CHMP6: variants seen among roughly 807,000 people sequenced by gnomAD.
CHMP6 encodes chromatin-modifying protein 6.
In CHMP6, 10 loss-of-function variants were observed where a neutral mutation model predicts 32.8. That is an observed-to-expected ratio of 0.30 (90% CI 0.19 to 0.52). The LOEUF is 0.52. CHMP6 is among the 20% of genes least tolerant of loss of function. CHMP6 has a pLI of 0.97. For synonymous variants in CHMP6, 123 were observed against 105.8 expected (o/e 1.16, Z -1.00); for missense variants, 269 against 263.8 (o/e 1.02, Z -0.14).
rs2069665962 is a variant in CHMP6, at chr17:80,999,319, C to T, written c.*166C>T. On this transcript the variant is annotated 3_prime_UTR_variant, in exon 8 of 8. Transcript: ENST00000325167. ...ATTGCAGGAGGACTCCAGAGCGTCT[C>T]CTGGAGACCTTGAGCCTGAACGCAC... The T allele has an allele frequency of 1.5e-6, 1 of 675,298 alleles. No homozygotes were observed. The highest frequency in any genetic ancestry group is 1.8e-5 in the South Asian group (1 of 55,146). 41.8% of individuals were successfully genotyped at this position (675,298 alleles called of 1,614,324 possible).
At chr17:80,992,033 C>A in intron 1 of CHMP6, 52 bp downstream of exon 1, 2 of 1,249,196 alleles carry the variant, frequency 1.6e-6, no homozygotes, top group Non-Finnish European at 1.0e-6. Context: ...GCGACGGGGC[C>A]GGGGCGGGCG....
intron 3 of CHMP6, among the ~76,000 whole-genome samples, chr17:80,995,450 A>G (rs1411720756): frequency 2.0e-5 from 3 of 152,112 alleles, no homozygotes; most frequent in Non-Finnish European, 2.9e-5. Flanking sequence ...CAGAGCTACT[A>G]ACAAGCAACC....
At position 80,991,991 on chromosome 17, in the gene CHMP6, C is replaced by A; in HGVS notation, c.63+10C>A. The A allele has an allele frequency of 7.1e-7, 1 of 1,417,850 alleles. No homozygotes were observed. The highest frequency in any genetic ancestry group is 9.3e-7 in the Non-Finnish European group (1 of 1,073,952). 87.8% of individuals were successfully genotyped at this position (1,417,850 alleles called of 1,614,324 possible). A position where few individuals can be genotyped will look rare whatever the true frequency, so the allele number is the denominator to read the frequency against. The stretch of plus-strand genomic sequence containing the variant: ...GGACAAGGCCATCCTGGTGAGGGCC[C>A]GGGCCCGGGGTCAGGGCTGGGGCCG... On this transcript the variant is annotated intron_variant, in intron 1 of 7. Coordinates refer to ENST00000325167, the MANE Select transcript of CHMP6 (RefSeq NM_024591.5).
At chr17:80,992,100 GGCGCAGC>G (rs1395810641) in intron 1 of CHMP6, 119 bp downstream of exon 1, 1 of 640,636 alleles carries the variant, frequency 1.6e-6, no homozygotes, top group African/African-American at 1.9e-5. Context: ...GGGAAACTGA[GGCGCAGC>G]GCGCAGCCGG....
rs564063538 is a variant in CHMP6 at position 80,995,583 on chromosome 17, C to T, written c.262-89C>T. The T allele has an allele frequency of 2.6e-4, 297 of 1,122,598 alleles. 1 individual carries two copies. In the South Asian group the frequency reaches 3.8e-3, roughly 14 times the overall value. 69.5% of individuals were successfully genotyped at this position (1,122,598 alleles called of 1,614,324 possible). On this transcript the variant is annotated intron_variant, in intron 3 of 7. Transcript: ENST00000325167. ...CTCACGCCCAGCAGCACCCGCCCAG[C>T]AAGGGTGTCATCCTGAACCCTGCCC...
chr17:80,997,455 T>C (rs2144152124), intron 6 of CHMP6, 114 bp downstream of exon 6: 1 of 597,966 alleles, frequency 1.7e-6, no homozygotes, highest in South Asian at 2.3e-5. Context: ...TTTAAGTAAA[T>C]AGTCTGCGGT....
chr17:80,998,748 C>T, intron 7 of CHMP6: 1 of 1,230,376 alleles, frequency 8.1e-7, no homozygotes. Flanking sequence ...GATGGCTCTC[C>T]CCGTGGCACC....
At chr17:80,994,738 G>A (rs1240989708) in intron 2 of CHMP6, 48 bp downstream of exon 2, 1 of 904,884 alleles carries the variant, frequency 1.1e-6, no homozygotes, top group Admixed American at 2.8e-5. Context: ...TGGGGTGGGG[G>A]GCCCGGGCAG....
At chr17:80,998,991 C>G in intron 7 of CHMP6, 107 bp from the exon 8 acceptor site, 14 of 1,317,382 alleles carry the variant, frequency 1.1e-5, no homozygotes, top group African/African-American at 1.5e-5. Flanking sequence ...TTCCCTAGTG[C>G]GAAGTCCCCG....
intron 1 of CHMP6, 145 bp from the exon 2 acceptor site, chr17:80,994,436 C>A: frequency 3.3e-6 from 2 of 598,274 alleles, no homozygotes; most frequent in Non-Finnish European, 5.6e-6. Flanking sequence ...CGTGTCCAGA[C>A]AGCACCACCT....
chr17:80,992,386 C>G (rs60989638), intron 1 of CHMP6, among the ~76,000 whole-genome samples: 96,106 of 151,720 alleles, frequency 0.63, 30,966 homozygotes, highest in African/African-American at 0.74. Context: ...CTCCCGGAGT[C>G]GCTGCCCCCG....
intron 1 of CHMP6, 34 bp downstream of exon 1, chr17:80,992,015 C>G (rs2069596314): frequency 7.4e-7 from 1 of 1,343,732 alleles, no homozygotes; most frequent in Non-Finnish European, 9.7e-7. Context: ...GGGCTGGGGC[C>G]GGGACAGGCG....
In CHMP6 at chr17:80,999,905, A is replaced by G. The variant is rs960614813; in HGVS notation, c.*752A>G. 3 of 152,208 alleles carry G rather than the reference A, an allele frequency of 2.0e-5. No homozygotes were observed. The highest frequency in any genetic ancestry group is 4.4e-5 in the Non-Finnish European group (3 of 68,024). The allele number at this position is 152,208 out of a possible 1,614,324, so 9.4% of individuals were successfully genotyped here. A position where few individuals can be genotyped will look rare whatever the true frequency, so the allele number is the denominator to read the frequency against. The stretch of plus-strand genomic sequence containing the variant: ...ATGGGGGTCCCCGCGGCTGGGGCTC[A>G]TGGAACTGCGAGACCCGGGACCCTC... On this transcript the variant is annotated 3_prime_UTR_variant, in exon 8 of 8. Coordinates refer to ENST00000325167, the MANE Select transcript of CHMP6 (RefSeq NM_024591.5).
At chr17:80,997,659 C>T (rs2069650938) in intron 6 of CHMP6, among the ~76,000 whole-genome samples, 1 of 152,096 alleles carries the variant, frequency 6.6e-6, no homozygotes, top group African/African-American at 2.4e-5. Flanking sequence ...TGACTCACGT[C>T]CCACATAGGC....
At chr17:80,998,678 G>T in intron 7 of CHMP6, 1 of 1,397,214 alleles carries the variant, frequency 7.2e-7, no homozygotes, top group Non-Finnish European at 9.3e-7. Flanking sequence ...CTGGGGAAAG[G>T]CTTCTTTAGC....
chr17:80,997,222 A>G lies in CHMP6; in HGVS notation c.415-39A>G, dbSNP rs147876120. On this transcript the variant is annotated intron_variant, in intron 5 of 7. Coordinates refer to ENST00000325167, the MANE Select transcript of CHMP6 (RefSeq NM_024591.5). The stretch of plus-strand genomic sequence containing the variant: ...CCATCTCCTTCCTCCCTGAGGGGCC[A>G]CCTCCTCGCTGCTCTCACCACCGCC... 2,217 of 1,611,720 alleles carry G rather than the reference A, an allele frequency of 1.4e-3. 25 individuals are homozygous for G. In the African/African-American group the frequency reaches 0.025, roughly 18 times the overall value.
At chr17:80,994,166 G>A (rs1325053639) in intron 1 of CHMP6, among the ~76,000 whole-genome samples, 4 of 152,152 alleles carry the variant, frequency 2.6e-5, no homozygotes, top group Non-Finnish European at 4.4e-5. Context: ...CGCCCGCCTC[G>A]GCCTCCCAAA....
chr17:80,999,607 C>T lies in CHMP6; in HGVS notation c.*454C>T, dbSNP rs964383159. 1 of 159,734 alleles carries T rather than the reference C, an allele frequency of 6.3e-6. No individual in the cohort carries two copies. The highest frequency in any genetic ancestry group is 2.4e-5 in the African/African-American group (1 of 41,644). The allele number at this position is 159,734 out of a possible 1,614,324, so 9.9% of individuals were successfully genotyped here. A position where few individuals can be genotyped will look rare whatever the true frequency, so the allele number is the denominator to read the frequency against. On this transcript the variant is annotated 3_prime_UTR_variant, in exon 8 of 8. Coordinates refer to ENST00000325167, the MANE Select transcript of CHMP6 (RefSeq NM_024591.5). ...AGGGGTCCCTCCCTTGGCCTGGCTT[C>T]CCGGCGCACCTCAGCTTCCCTGCTG...
intron 3 of CHMP6, 93 bp from the exon 4 acceptor site, chr17:80,995,579 C>A: frequency 9.3e-7 from 1 of 1,076,430 alleles, no homozygotes; most frequent in Non-Finnish European, 1.4e-6. Context: ...CAGCACCCGC[C>A]CAGCAAGGGT....
Sources: allele counts gnomAD v4.1 joint callset (sites outside exome capture counted in the v4.1 genomes callset), GRCh38; gene constraint gnomAD v4.1.1; transcripts MANE v1.5; gene names NCBI Gene and HGNC (gene_info 2026-07-23, HGNC 2026-07-21).